The following PCP4 variants were observed in gnomAD, a reference collection of about 807,000 sequenced individuals.
PCP4 encodes Purkinje cell protein 4, also known as calmodulin regulator protein PCP4.
Under a neutral mutation model 10.0 loss-of-function variants are expected in PCP4, and 8 were observed. The observed-to-expected ratio is 0.80, with a 90% CI of 0.47 to 1.45. The LOEUF is 1.45. Ranked by LOEUF, PCP4 falls within the 40% of genes most tolerant of loss-of-function variation. The pLI, the probability that PCP4 is intolerant of heterozygous loss-of-function variation, is 0.00. For synonymous variants in PCP4, 21 were observed against 23.0 expected (o/e 0.91, Z 0.24); for missense variants, 54 against 74.4 (o/e 0.73, Z 1.01).
intron 2 of PCP4, among the ~76,000 whole-genome samples, chr21:39,924,948 C>T (rs1190389359): frequency 1.3e-5 from 2 of 152,228 alleles, no homozygotes; most frequent in African/African-American, 4.8e-5. Flanking sequence ...CCACAGGCTC[C>T]TCTGGGGCCA....
In PCP4 at chr21:39,929,031, C is replaced by G; in HGVS notation, c.109C>G (p.Pro37Ala). Reference protein sequence around the residue: ...QEEFDIDMDAPETERAAVAIQ... With the variant: ...QEEFDIDMDAAETERAAVAIQ... ...AGAATTTGACATTGACATGGATGCA[C>G]CAGAGACAGAACGTGCAGCGGTGGC... is the stretch of plus-strand genomic sequence containing the variant. The change falls in exon 3 of 3, where the codon CCA becomes GCA. Residue 37 changes from proline (P) to alanine (A), a missense_variant. Pro to Ala is a conservative substitution (Grantham distance 27). Coordinates refer to ENST00000328619, the MANE Select transcript of PCP4 (RefSeq NM_006198.3). The G allele has an allele frequency of 6.2e-7, 1 of 1,613,054 alleles. No individual in the cohort carries two copies. Among genetic ancestry groups the G allele is most frequent in the Non-Finnish European group, 8.5e-7 (1 of 1,179,404 alleles).
intron 2 of PCP4, among the ~76,000 whole-genome samples, chr21:39,927,306 CT>C (rs1289822977): frequency 5.0e-5 from 6 of 118,970 alleles, no homozygotes; most frequent in South Asian, 2.9e-4. Context: ...ATCTATCTAT[CT>C]ATCTATCTAT....
intron 1 of PCP4, among the ~76,000 whole-genome samples, chr21:39,896,151 T>C (rs2087456175): frequency 6.6e-6 from 1 of 152,216 alleles, no homozygotes; most frequent in Non-Finnish European, 1.5e-5. Flanking sequence ...TGATCTTTTA[T>C]GGAAAAGTTA....
chr21:39,916,847 C>T (rs1251752618), intron 2 of PCP4, among the ~76,000 whole-genome samples: 4 of 152,122 alleles, frequency 2.6e-5, no homozygotes, highest in Non-Finnish European at 5.9e-5. Flanking sequence ...AACACAGGAA[C>T]AGAAAATGAA....
intron 2 of PCP4, among the ~76,000 whole-genome samples, chr21:39,912,832 C>G (rs2087547424): frequency 6.6e-6 from 1 of 152,132 alleles, no homozygotes; most frequent in Admixed American, 6.6e-5. Context: ...GTTTCAGCCT[C>G]CAGAGTAGCT....
At chr21:39,901,945 A>G (rs1190953803) in intron 2 of PCP4, among the ~76,000 whole-genome samples, 2 of 152,212 alleles carry the variant, frequency 1.3e-5, no homozygotes, top group Non-Finnish European at 2.9e-5. Flanking sequence ...AATCTAAAAA[A>G]CATTTTCCTA....
intron 2 of PCP4, among the ~76,000 whole-genome samples, chr21:39,904,231 C>G (rs984889019): frequency 6.6e-6 from 1 of 152,146 alleles, no homozygotes; most frequent in Non-Finnish European, 1.5e-5. Flanking sequence ...TTCACTACCC[C>G]CTACCCCTGG....
At chr21:39,871,148 CGTGAGGTGAGGACATAGAA>C (rs1568848239) in intron 1 of PCP4, among the ~76,000 whole-genome samples, 2 of 152,132 alleles carry the variant, frequency 1.3e-5, no homozygotes, top group African/African-American at 4.8e-5. Context: ...GCAGTTAACT[CGTGAGGTGAGGACATAGAA>C]AAAACATGAA....
intron 2 of PCP4, among the ~76,000 whole-genome samples, chr21:39,903,554 A>G (rs1254165526): frequency 1.3e-5 from 2 of 152,144 alleles, no homozygotes; most frequent in East Asian, 1.9e-4. Flanking sequence ...GTGTGGGGAT[A>G]TTCTAGGAGT....
chr21:39,888,391 T>C (rs1175950844), intron 1 of PCP4, among the ~76,000 whole-genome samples: 1 of 152,208 alleles, frequency 6.6e-6, no homozygotes, highest in Admixed American at 6.5e-5. Context: ...CACTCAACAA[T>C]GGCTGTTGTG....
rs149722010 is a variant in PCP4, at chr21:39,917,517, G to A, written c.62-11467G>A. On this transcript the variant is annotated intron_variant, in intron 2 of 2. Coordinates refer to ENST00000328619, the MANE Select transcript of PCP4 (RefSeq NM_006198.3). ...GGTGCTTTGGGCAAGCCAGGCTGCC[G>A]GCTGCCGTCTTGGGCAATGCACCTC... Among the ~76,000 whole-genome samples the A allele has an allele frequency of 2.1e-3, 327 of 152,284 alleles. 1 individual carries two copies. Among genetic ancestry groups the A allele is most frequent in the African/African-American group, 7.6e-3 (317 of 41,558 alleles).
chr21:39,898,389 A>C, intron 1 of PCP4, 87 bp from the exon 2 acceptor site: 10 of 1,027,426 alleles, frequency 9.7e-6, no homozygotes, highest in Non-Finnish European at 1.2e-5. Context: ...ATATAATGCA[A>C]GAGATGTTTG....
At chr21:39,925,998 C>T (rs2087619305) in intron 2 of PCP4, 1 of 455,906 alleles carries the variant, frequency 2.2e-6, no homozygotes, top group Admixed American at 2.4e-5. Context: ...ACCATTTGTA[C>T]TGAACCCTGT....
chr21:39,894,095 G>C (rs2087446383), intron 1 of PCP4, among the ~76,000 whole-genome samples: 2 of 152,140 alleles, frequency 1.3e-5, no homozygotes, highest in Admixed American at 6.5e-5. Flanking sequence ...TGTCGGGCTG[G>C]AGATGATCAG....
At chr21:39,885,891 C>A (rs1261138326) in intron 1 of PCP4, among the ~76,000 whole-genome samples, 1 of 152,230 alleles carries the variant, frequency 6.6e-6, no homozygotes, top group Non-Finnish European at 1.5e-5. Flanking sequence ...TCTTATAGTT[C>A]TGGAGACCAG....
At chr21:39,915,991 C>G (rs2087566737) in intron 2 of PCP4, 1 of 152,200 alleles carries the variant, frequency 6.6e-6, no homozygotes, top group African/African-American at 2.4e-5. Flanking sequence ...GAGGGGTTAT[C>G]TGAATTGTTG....
intron 1 of PCP4, among the ~76,000 whole-genome samples, chr21:39,890,538 T>C (rs2087425060): frequency 6.6e-6 from 1 of 151,020 alleles, no homozygotes; most frequent in Non-Finnish European, 1.5e-5. Flanking sequence ...TTTTTTTTAA[T>C]TTTCATTTTT....
At chr21:39,907,872 T>A (rs1201551229) in intron 2 of PCP4, among the ~76,000 whole-genome samples, 3 of 151,978 alleles carry the variant, frequency 2.0e-5, no homozygotes, top group African/African-American at 7.3e-5. Context: ...AATGATTAGG[T>A]GGAGCAGGAG....
chr21:39,878,352 C>A (rs145051844), intron 1 of PCP4, among the ~76,000 whole-genome samples: 6 of 152,242 alleles, frequency 3.9e-5, no homozygotes, highest in East Asian at 1.9e-4. Context: ...TAGCACTCTG[C>A]GAATCTTAAA....
Sources: gnomAD v4.1 joint callset for allele counts (sites outside exome capture counted in the v4.1 genomes callset) on GRCh38, gnomAD v4.1.1 for gene constraint, MANE v1.5 for transcripts, NCBI Gene and HGNC (gene_info 2026-07-23, HGNC 2026-07-21) for gene names.